Variants in HK2 observed in about 807,000 individuals in gnomAD.
HK2 encodes hexokinase 2, also known as hexokinase-2.
A neutral mutation model predicts 92.9 loss-of-function variants in HK2; 42 were observed. That is an observed-to-expected ratio of 0.45 (90% CI 0.35 to 0.58). HK2 has a LOEUF of 0.58. HK2 is among the 20% of genes least tolerant of loss of function. The pLI is 0.00. For synonymous variants in HK2, 422 were observed against 468.0 expected (o/e 0.90, Z 1.27); for missense variants, 978 against 1,245.1 (o/e 0.79, Z 3.23).
At position 74,834,624 on chromosome 2, in the gene HK2, A is replaced by G. The variant is rs567683822; in HGVS notation, c.44A>G (p.Asn15Ser). 6.2e-7 allele frequency: 1 copy of G among 1,613,920 alleles called. No individual in the cohort carries two copies. The highest frequency in any genetic ancestry group is 1.3e-5 in the African/African-American group (1 of 75,036). The part of the protein sequence containing the change: ...HLLAYFFTEL[N>S]HDQVQKVDQY... ...CTTGCCTACTTCTTCACGGAGCTCA[A>G]CCATGACCAAGTGCAGAAGGTAAGT... is the stretch of plus-strand genomic sequence containing the variant. Residue 15 changes from asparagine to serine, a missense_variant, in exon 1 of 18, where the codon AAC (asparagine) becomes AGC (serine). Asn to Ser is a conservative substitution (Grantham distance 46). Coordinates refer to ENST00000290573, the MANE Select transcript of HK2 (RefSeq NM_000189.5). This position sits in a 1 kb window ranked among gnomAD's most constrained non-coding sequence, Gnocchi z 4.2.
chr2:74,889,283 A>G lies in HK2; in HGVS notation c.2414A>G (p.Gln805Arg), dbSNP rs775929477. ...CTGCTGCAAGTCCGAGCCATCCTGC[A>G]ACACTTAGGGCTTGAGAGCACCTGT... ...LALLQVRAIL[Q>R]HLGLESTCDD... The change falls in exon 17 of 18, where the codon CAA becomes CGA. Residue 805 changes from glutamine (Q) to arginine (R), a missense_variant. This residue lies in a region of HK2 where 742 missense variants were observed against 922.5 expected (regional missense o/e 0.80). Transcript: ENST00000290573. 1.2e-6 allele frequency: 2 copies of G among 1,614,212 alleles called. No homozygotes were observed. Among genetic ancestry groups the G allele is most frequent in the Non-Finnish European group, 8.5e-7 (1 of 1,180,034 alleles).
rs140892378 is a variant in HK2, at chr2:74,888,365, A to G, written c.2375+307A>G. On this transcript the variant is annotated intron_variant, in intron 16 of 17. Transcript: ENST00000290573. ...GCTCATAGCATGTAAATTGAAACGC[A>G]CAGAGGAAGATAACCTATTAAAGCA... Among the ~76,000 whole-genome samples the G allele has an allele frequency of 5.3e-4, 80 of 152,364 alleles. 1 individual carries two copies. Among genetic ancestry groups the G allele is most frequent in the African/African-American group, 1.9e-3 (77 of 41,582 alleles).
Position 74,834,625 on chromosome 2 carries a change from C to A in HK2, c.45C>A (p.Asn15Lys). 1 of 1,613,968 alleles carries A rather than the reference C, an allele frequency of 6.2e-7. No individual in the cohort carries two copies. The highest frequency in any genetic ancestry group is 8.5e-7 in the Non-Finnish European group (1 of 1,179,864). Reference sequence around the variant, plus strand: ...TTGCCTACTTCTTCACGGAGCTCAACCATGACCAAGTGCAGAAGGTAAGTC... The same window carrying A: ...TTGCCTACTTCTTCACGGAGCTCAAACATGACCAAGTGCAGAAGGTAAGTC... ...HLLAYFFTEL[N>K]HDQVQKVDQY... The change falls in exon 1 of 18, where the codon AAC (asparagine) becomes AAA (lysine). Residue 15 changes from asparagine (N) to lysine (K), a missense_variant. Coordinates refer to ENST00000290573, the MANE Select transcript of HK2 (RefSeq NM_000189.5). This position sits in a 1 kb window ranked among gnomAD's most constrained non-coding sequence, Gnocchi z 4.2.
At chr2:74,886,453 G>C in intron 14 of HK2, 37 bp from the exon 15 acceptor site, 2 of 1,614,006 alleles carry the variant, frequency 1.2e-6, no homozygotes, top group Non-Finnish European at 1.7e-6. Flanking sequence ...TGGAGGGGTT[G>C]GTGCTGAGTG....
chr2:74,853,536 C>G (rs943829487), intron 1 of HK2, among the ~76,000 whole-genome samples: 2 of 150,410 alleles, frequency 1.3e-5, no homozygotes, highest in Admixed American at 6.6e-5. Flanking sequence ...ACAACAACAA[C>G]AACAACAACA....
intron 1 of HK2, among the ~76,000 whole-genome samples, chr2:74,841,287 C>T (rs1334748207): frequency 6.6e-6 from 1 of 150,418 alleles, no homozygotes; most frequent in East Asian, 1.9e-4. Flanking sequence ...TTACTGACAT[C>T]TAGTAAGCAG....
chr2:74,883,747 A>C (rs989106750), intron 12 of HK2, among the ~76,000 whole-genome samples: 6 of 152,242 alleles, frequency 3.9e-5, no homozygotes, highest in Non-Finnish European at 8.8e-5. Context: ...GCGTTGCTTT[A>C]TGCCTCATGT....
chr2:74,854,642 C>A (rs1688653120), intron 2 of HK2, among the ~76,000 whole-genome samples, 187 bp downstream of exon 2: 1 of 152,218 alleles, frequency 6.6e-6, no homozygotes, highest in Non-Finnish European at 1.5e-5. Flanking sequence ...GCAGTCCTGG[C>A]AGTTAAGGGA....
chr2:74,837,927 G>C (rs1477673007), intron 1 of HK2, among the ~76,000 whole-genome samples: 1 of 152,120 alleles, frequency 6.6e-6, no homozygotes, highest in African/African-American at 2.4e-5. Flanking sequence ...ACCTGCCTCA[G>C]CCTCCCGTAG....
At chr2:74,842,669 C>G (rs1246009488) in intron 1 of HK2, among the ~76,000 whole-genome samples, 1 of 152,108 alleles carries the variant, frequency 6.6e-6, no homozygotes, top group East Asian at 1.9e-4. Context: ...GTTCCTGAAG[C>G]CAGGGAAGAA....
intron 7 of HK2, among the ~76,000 whole-genome samples, chr2:74,874,922 A>C (rs1467190536): frequency 6.6e-6 from 1 of 152,100 alleles, no homozygotes; most frequent in Non-Finnish European, 1.5e-5. Flanking sequence ...AGCTGCAGGC[A>C]GACCCATGGC....
chr2:74,880,991 C>A (rs1435625098), intron 10 of HK2, among the ~76,000 whole-genome samples: 1 of 152,258 alleles, frequency 6.6e-6, no homozygotes, highest in East Asian at 1.9e-4. Flanking sequence ...CTTGCAATCA[C>A]CACATTGGTC....
At chr2:74,835,872 G>T (rs192944736) in intron 1 of HK2, among the ~76,000 whole-genome samples, 1 of 152,262 alleles carries the variant, frequency 6.6e-6, no homozygotes, top group African/African-American at 2.4e-5. Flanking sequence ...ACCGTTCTGT[G>T]CGACAACCTG....
intron 7 of HK2, among the ~76,000 whole-genome samples, chr2:74,876,958 T>C (rs1689247627): frequency 6.6e-6 from 1 of 152,180 alleles, no homozygotes; most frequent in South Asian, 2.1e-4. Context: ...TTTATTCTTC[T>C]CCATAGGTCA....
At chr2:74,835,620 C>T (rs1688145085) in intron 1 of HK2, among the ~76,000 whole-genome samples, 2 of 139,442 alleles carry the variant, frequency 1.4e-5, no homozygotes, top group Admixed American at 1.4e-4. Flanking sequence ...GGGATGGGGC[C>T]GGGGCCGGGG....
intron 17 of HK2, 37 bp from the exon 18 acceptor site, chr2:74,890,760 G>A (rs367893157): frequency 6.2e-7 from 1 of 1,613,212 alleles, no homozygotes. Context: ...TCATGACTAA[G>A]ATGGTTTTTC....
intron 2 of HK2, 38 bp downstream of exon 2, chr2:74,854,493 C>T: frequency 6.2e-7 from 1 of 1,612,006 alleles, no homozygotes; most frequent in Non-Finnish European, 8.5e-7. Context: ...TGCTGCGTTA[C>T]TCAGGGGTGA....
At chr2:74,843,035 A>C (rs1188600955) in intron 1 of HK2, among the ~76,000 whole-genome samples, 1 of 151,908 alleles carries the variant, frequency 6.6e-6, no homozygotes, top group Non-Finnish European at 1.5e-5. Flanking sequence ...ATACTTGCTC[A>C]CTCATCCTCA....
chr2:74,883,445 C>T (rs536970985), intron 12 of HK2, among the ~76,000 whole-genome samples: 2 of 152,258 alleles, frequency 1.3e-5, no homozygotes, highest in East Asian at 1.9e-4. Flanking sequence ...GCAGGCTGCC[C>T]ATTGTGGAGA....
Sources: gnomAD v4.1 joint callset for allele counts (sites outside exome capture counted in the v4.1 genomes callset) on GRCh38, gnomAD v4.1.1 for gene constraint, gnomAD v4.1.1 regional missense constraint, Gnocchi (gnomAD v3.1) non-coding constraint, MANE v1.5 for transcripts, NCBI Gene and HGNC (gene_info 2026-07-23, HGNC 2026-07-21) for gene names.